The following TMCO2 variants were observed in gnomAD, a reference collection of about 807,000 sequenced individuals.
TMCO2 encodes the protein transmembrane and coiled-coil domain-containing protein 2.
Under a neutral mutation model 18.0 loss-of-function variants are expected in TMCO2, and 15 were observed. The ratio of observed to expected loss-of-function variants is 0.84; its 90% CI spans 0.56 to 1.29. The LOEUF (loss-of-function observed/expected upper bound fraction) is 1.29, where lower values mean the gene tolerates loss of function less well. Ranked by LOEUF, TMCO2 falls within the 50% of genes most tolerant of loss-of-function variation. The pLI is 0.00. For missense variants in TMCO2, 182 were observed against 200.9 expected (o/e 0.91, Z 0.57); for synonymous variants, 79 against 75.9 (o/e 1.04, Z -0.21).
rs750231125 is a variant in TMCO2, at chr1:40,251,623, A to G, written c.*29A>G. ...GTGATGGACTCCAATCTTTTCCAGG[A>G]AAGCACTGTTTCCCTCATGTGTGCA... On this transcript the variant is annotated 3_prime_UTR_variant, in exon 2 of 2. Transcript: ENST00000372766. 9 of 1,585,436 alleles carry G rather than the reference A, an allele frequency of 5.7e-6. No individual in the cohort carries two copies. The highest frequency in any genetic ancestry group is 7.7e-6 in the Non-Finnish European group (9 of 1,171,790).
chr1:40,249,099 TG>T (rs1442469106), intron 1 of TMCO2, among the ~76,000 whole-genome samples: 1 of 152,204 alleles, frequency 6.6e-6, no homozygotes, highest in Non-Finnish European at 1.5e-5. Flanking sequence ...TGCTCCATTT[TG>T]TAGATGAGAG....
Position 40,251,410 on chromosome 1 carries a change from C to T in TMCO2, c.365C>T (p.Ser122Phe). 1 of 1,614,052 alleles carries T rather than the reference C, an allele frequency of 6.2e-7. No homozygotes were observed. The change falls in exon 2 of 2, where the codon TCC becomes TTC. Residue 122 changes from serine (S) to phenylalanine (F), a missense_variant. Ser to Phe is a radical substitution (Grantham distance 155). Transcript: ENST00000372766. ...CAAGACAATAATAATCTTTTCCTGTCCTTGGGTCTGCAAGAGAAAATTTTG... is the reference window on the plus strand; with the variant it reads ...CAAGACAATAATAATCTTTTCCTGTTCTTGGGTCTGCAAGAGAAAATTTTG... The part of the protein sequence containing the change: ...RIQDNNNLFL[S>F]LGLQEKILKK...
intron 1 of TMCO2, among the ~76,000 whole-genome samples, chr1:40,249,965 G>A (rs879564064): frequency 1.3e-5 from 2 of 151,746 alleles, no homozygotes; most frequent in Admixed American, 1.3e-4. Flanking sequence ...ATGAGCCACC[G>A]TGCCCAGCAT....
intron 1 of TMCO2, among the ~76,000 whole-genome samples, chr1:40,249,826 A>C (rs900742294): frequency 4.0e-5 from 6 of 151,518 alleles, no homozygotes; most frequent in African/African-American, 1.5e-4. Flanking sequence ...GGCGCATACC[A>C]CCACACCCAG....
rs1187331135 is a variant in TMCO2, at chr1:40,251,145, A to AG, written c.238-138_238-137insG. ...GAGTGAAACTCCATCTCAAAAAAAA[A>AG]AAAAAAAAAAATTTGCTAAATGGGA... is the stretch of plus-strand genomic sequence containing the variant. On this transcript the variant is annotated intron_variant, in intron 1 of 1. Coordinates refer to ENST00000372766, the MANE Select transcript of TMCO2 (RefSeq NM_001008740.4). 9 of 788,304 alleles carry AG rather than the reference A, an allele frequency of 1.1e-5. No individual in the cohort carries two copies. The East Asian group carries it at 2.7e-4, about 23-fold the overall frequency. 48.8% of individuals were successfully genotyped at this position (788,304 alleles called of 1,614,324 possible).
At chr1:40,251,236 T>C in intron 1 of TMCO2, 47 bp from the exon 2 acceptor site, 3 of 1,511,342 alleles carry the variant, frequency 2.0e-6, no homozygotes, top group Non-Finnish European at 2.7e-6. Context: ...CTCTTATAGA[T>C]AGTAAACTGT....
chr1:40,248,538 A>G (rs1643356459), intron 1 of TMCO2, among the ~76,000 whole-genome samples: 1 of 152,204 alleles, frequency 6.6e-6, no homozygotes, highest in Non-Finnish European at 1.5e-5. Flanking sequence ...GAGTGCTACT[A>G]TGTTTATACA....
intron 1 of TMCO2, among the ~76,000 whole-genome samples, chr1:40,250,318 A>AAAATATATAT (rs1553178359): frequency 0.028 from 4,022 of 145,776 alleles, 169 homozygotes; most frequent in African/African-American, 0.1. Context: ...ATATAAATAA[A>AAAATATATAT]ATATATATAT....
chr1:40,248,105 CA>C lies in TMCO2; in HGVS notation c.115del (p.Thr39GlnfsTer6), dbSNP rs750071626. The C allele has an allele frequency of 1.9e-6, 3 of 1,614,176 alleles. No individual in the cohort carries two copies. Among genetic ancestry groups the C allele is most frequent in the East Asian group, 2.2e-5 (1 of 44,888 alleles). On this transcript the variant is annotated frameshift_variant, in exon 1 of 2. Coordinates refer to ENST00000372766, the MANE Select transcript of TMCO2 (RefSeq NM_001008740.4). LOFTEE classifies it high-confidence loss of function. ...SFLGETSAPQ[Q>X]TSLGLLDNLA... is the part of the protein sequence containing the mutation. ...TTTGGGAGAGACTAGTGCACCTCAG[CA>C]AACAAGTTTGGGACTATTAGATAAT...
intron 1 of TMCO2, among the ~76,000 whole-genome samples, chr1:40,249,917 C>T (rs552063590): frequency 9.9e-5 from 15 of 152,188 alleles, no homozygotes; most frequent in South Asian, 2.1e-4. Flanking sequence ...TCAGGTGATC[C>T]GCCCACCTTG....
rs1341542990 is a variant in TMCO2 at position 40,251,415 on chromosome 1, G to A, written c.370G>A (p.Gly124Ser). The A allele has an allele frequency of 6.2e-7, 1 of 1,613,944 alleles. No individual in the cohort carries two copies. The highest frequency in any genetic ancestry group is 1.7e-5 in the Admixed American group (1 of 59,968). The change falls in exon 2 of 2, where the codon GGT becomes AGT. Residue 124 changes from glycine to serine, a missense_variant. Physicochemically the swap from Gly to Ser is moderately conservative, Grantham distance 56. Coordinates refer to ENST00000372766, the MANE Select transcript of TMCO2 (RefSeq NM_001008740.4). ...CAATAATAATCTTTTCCTGTCCTTG[G>A]GTCTGCAAGAGAAAATTTTGAAAAA... ...QDNNNLFLSLGLQEKILKKLK... is the reference protein window; with the variant it reads ...QDNNNLFLSLSLQEKILKKLK...
At chr1:40,251,232 T>TA (rs755028584) in intron 1 of TMCO2, 51 bp from the exon 2 acceptor site, 1 of 1,498,028 alleles carries the variant, frequency 6.7e-7, no homozygotes, top group Non-Finnish European at 9.1e-7. Flanking sequence ...TTTTCTCTTA[T>TA]AGATAGTAAA....
rs747938638 is a variant in TMCO2, at chr1:40,248,241, T to C, written c.237+11T>C. The C allele has an allele frequency of 1.3e-6, 2 of 1,593,000 alleles. No homozygotes were observed. Among genetic ancestry groups the C allele is most frequent in the South Asian group, 2.2e-5 (2 of 90,274 alleles). The stretch of plus-strand genomic sequence containing the variant: ...ATTCAGTCAATTCAGGTTATACTCT[T>C]TTGTTACAAACATTTATATAGTTAT... On this transcript the variant is annotated intron_variant, in intron 1 of 1. Coordinates refer to ENST00000372766, the MANE Select transcript of TMCO2 (RefSeq NM_001008740.4).
chr1:40,250,139 G>A (rs1327492096), intron 1 of TMCO2, among the ~76,000 whole-genome samples: 2 of 151,078 alleles, frequency 1.3e-5, no homozygotes, highest in Non-Finnish European at 2.9e-5. Flanking sequence ...TGGAACCATA[G>A]GCATGCACCA....
chr1:40,251,608 C>G lies in TMCO2; in HGVS notation c.*14C>G. 1 of 1,589,556 alleles carries G rather than the reference C, an allele frequency of 6.3e-7. No individual in the cohort carries two copies. The highest frequency in any genetic ancestry group is 8.5e-7 in the Non-Finnish European group (1 of 1,174,092). On this transcript the variant is annotated 3_prime_UTR_variant, in exon 2 of 2. Transcript: ENST00000372766. ...TCCCCCATTTGAAATGTGATGGACT[C>G]CAATCTTTTCCAGGAAAGCACTGTT...
At chr1:40,251,009 C>T (rs1048909201) in intron 1 of TMCO2, among the ~76,000 whole-genome samples, 6 of 151,828 alleles carry the variant, frequency 4.0e-5, no homozygotes, top group East Asian at 1.9e-4. Context: ...TGGTGGTGGG[C>T]GCCTGTAGTC....
rs757704910 is a variant in TMCO2, at chr1:40,248,050, C to T, written c.57C>T (p.Ser19=). The change falls in exon 1 of 2, where the codon AGC becomes AGT. Residue 19 remains serine, a synonymous_variant. Transcript: ENST00000372766. ...WDNLLESLSL[S]TVWNWIQASF... is the part of the protein sequence containing the mutation. ...ACCTCTTAGAGTCTCTCTCTCTCAGCACAGTATGGAATTGGATACAAGCAA... is the reference window on the plus strand; with the variant it reads ...ACCTCTTAGAGTCTCTCTCTCTCAGTACAGTATGGAATTGGATACAAGCAA... The T allele has an allele frequency of 6.2e-7, 1 of 1,614,204 alleles. No homozygotes were observed. Among genetic ancestry groups the T allele is most frequent in the Non-Finnish European group, 8.5e-7 (1 of 1,180,032 alleles).
At chr1:40,249,457 T>C (rs1302862770) in intron 1 of TMCO2, among the ~76,000 whole-genome samples, 1 of 151,724 alleles carries the variant, frequency 6.6e-6, no homozygotes, top group Non-Finnish European at 1.5e-5. Context: ...CACGCGCCTG[T>C]AGTCCCAGCT....
Position 40,248,153 on chromosome 1 carries a change from A to G in TMCO2, c.160A>G (p.Ile54Val), listed in dbSNP as rs773768281. The stretch of plus-strand genomic sequence containing the variant: ...TAATCTTGCTCCAGCTGTGCAAATC[A>G]TCTTGAGGATTTCTTTCTTGATTTT... ...LDNLAPAVQI[I>V]LRISFLILLG... The change falls in exon 1 of 2, where the codon ATC becomes GTC. Residue 54 changes from isoleucine to valine, a missense_variant. Transcript: ENST00000372766. The G allele has an allele frequency of 1.2e-6, 2 of 1,614,176 alleles. No individual in the cohort carries two copies. The highest frequency in any genetic ancestry group is 1.1e-5 in the South Asian group (1 of 91,088).
Sources: gnomAD v4.1 joint callset for allele counts (sites outside exome capture counted in the v4.1 genomes callset) on GRCh38, gnomAD v4.1.1 for gene constraint, MANE v1.5 for transcripts, NCBI Gene and HGNC (gene_info 2026-07-23, HGNC 2026-07-21) for gene names.